MEGF11: variants seen among roughly 807,000 people sequenced by gnomAD.
The protein encoded by MEGF11 is multiple EGF like domains 11, also known as multiple epidermal growth factor-like domains protein 11.
In MEGF11, 126 loss-of-function variants were observed where a neutral mutation model predicts 146.6. The observed-to-expected ratio is 0.86, with a 90% CI of 0.74 to 1.00. The LOEUF (loss-of-function observed/expected upper bound fraction) is 1.00. Ranked by LOEUF, MEGF11 falls within the 50% of genes least tolerant of loss-of-function variation. MEGF11 has a pLI of 0.00. For missense variants in MEGF11, 1,509 were observed against 1,521.2 expected, an observed-to-expected ratio of 0.99 and a Z score of 0.13; for synonymous variants, 532 against 583.4, an observed-to-expected ratio of 0.91 and a Z score of 1.27.
At chr15:66,124,390 T>C (rs2140940343) in intron 2 of MEGF11, among the ~76,000 whole-genome samples, 1 of 152,372 alleles carries the variant, frequency 6.6e-6, no homozygotes, top group South Asian at 2.1e-4. Flanking sequence ...GCTTGGAAGC[T>C]GGTCTTTGCA....
At chr15:65,916,117 T>G in intron 18 of MEGF11, 31 bp downstream of exon 18, 1 of 1,560,480 alleles carries the variant, frequency 6.4e-7, no homozygotes, top group Non-Finnish European at 8.7e-7. Context: ...CCCAGCAGCA[T>G]CACCCAGGAT....
intron 1 of MEGF11, among the ~76,000 whole-genome samples, chr15:66,231,795 T>TCA (rs1420284412): frequency 6.6e-6 from 1 of 152,170 alleles, no homozygotes; most frequent in Admixed American, 6.5e-5. Flanking sequence ...ACGACTTGGG[T>TCA]CATGGAAGAG....
At chr15:65,911,663 G>T (rs1286409311) in intron 21 of MEGF11, among the ~76,000 whole-genome samples, 1 of 152,236 alleles carries the variant, frequency 6.6e-6, no homozygotes, top group East Asian at 1.9e-4. Flanking sequence ...CGCCTGCCTC[G>T]GCCTCCCAAA....
intron 10 of MEGF11, among the ~76,000 whole-genome samples, chr15:65,945,795 C>T (rs1051133802): frequency 3.3e-5 from 5 of 152,150 alleles, no homozygotes; most frequent in Non-Finnish European, 7.4e-5. Context: ...TCCATCACCC[C>T]CAAGGCCACA....
At chr15:66,076,745 C>T (rs2140505268) in intron 5 of MEGF11, among the ~76,000 whole-genome samples, 1 of 152,330 alleles carries the variant, frequency 6.6e-6, no homozygotes, top group Middle Eastern at 3.4e-3. Flanking sequence ...CCAACCTGGC[C>T]TCTGTGGGTC....
At chr15:66,026,597 C>T (rs1266212848) in intron 5 of MEGF11, among the ~76,000 whole-genome samples, 1 of 152,162 alleles carries the variant, frequency 6.6e-6, no homozygotes, top group African/African-American at 2.4e-5. Flanking sequence ...GATTCTCCTG[C>T]CTCAGCCTCC....
At chr15:66,200,259 G>A (rs948994929) in intron 1 of MEGF11, among the ~76,000 whole-genome samples, 3 of 152,174 alleles carry the variant, frequency 2.0e-5, no homozygotes, top group Admixed American at 6.5e-5. Context: ...TACTTTATAC[G>A]TTTCTGGGTT....
rs1042571497 is a variant in MEGF11, at chr15:65,931,026, C to T, written c.1288-83G>A. ...GTAGGCAGGATAATGACCCCTGCTG[C>T]CCCCAACATGTCCATGTCCTAATCC... is the stretch of plus-strand genomic sequence containing the variant. On this transcript the variant is annotated intron_variant, in intron 10 of 25. Transcript: ENST00000395614. The T allele has an allele frequency of 1.9e-5, 27 of 1,390,186 alleles. No homozygotes were observed. The East Asian group carries it at 7.1e-4, about 37-fold the overall frequency. The allele number at this position is 1,390,186 out of a possible 1,614,324, so 86.1% of individuals were successfully genotyped here. A position where few individuals can be genotyped will look rare whatever the true frequency, so the allele number is the denominator to read the frequency against.
intron 15 of MEGF11, among the ~76,000 whole-genome samples, chr15:65,921,154 G>A (rs1276912596): frequency 6.6e-6 from 1 of 152,186 alleles, no homozygotes; most frequent in East Asian, 1.9e-4. Flanking sequence ...GCTCAGCAGT[G>A]ATTATTCATC....
At chr15:66,012,814 GGA>G (rs1567201657) in intron 5 of MEGF11, among the ~76,000 whole-genome samples, 3 of 152,176 alleles carry the variant, frequency 2.0e-5, no homozygotes, top group African/African-American at 7.2e-5. Context: ...GCTTCCCCTA[GGA>G]GCCCTGGGGA....
At chr15:66,232,851 A>G (rs1299309333) in intron 1 of MEGF11, among the ~76,000 whole-genome samples, 2 of 152,238 alleles carry the variant, frequency 1.3e-5, no homozygotes, top group Non-Finnish European at 1.5e-5. Context: ...TAAGATGAGT[A>G]AAAGTATCAC....
In MEGF11 at chr15:66,016,742, T is replaced by TA. The variant is rs1463207554; in HGVS notation, c.395-34255_395-34254insT. 1.6e-4 allele frequency among the ~76,000 whole-genome samples: 24 copies of TA among 152,350 alleles called. No homozygotes were observed. The East Asian group carries it at 4.6e-3, about 29-fold the overall frequency. ...GCTATACAAGTATTTGAGGTTTACT[T>TA]TTATTCACTTAATTTATTATAAATA... On this transcript the variant is annotated intron_variant, in intron 5 of 25. Transcript: ENST00000395614.
intron 1 of MEGF11, among the ~76,000 whole-genome samples, chr15:66,201,529 G>T (rs1597149090): frequency 6.6e-6 from 1 of 152,210 alleles, no homozygotes; most frequent in East Asian, 1.9e-4. Flanking sequence ...AAGGGGTGAT[G>T]GAGGAGCTGT....
At chr15:66,130,722 G>C (rs970081540) in intron 1 of MEGF11, among the ~76,000 whole-genome samples, 1 of 52,626 alleles carries the variant, frequency 1.9e-5, no homozygotes, top group African/African-American at 5.9e-5. Context: ...GAAAAAGAAA[G>C]AGGGAGGGAG....
intron 1 of MEGF11, among the ~76,000 whole-genome samples, chr15:66,156,312 T>C (rs542571033): frequency 6.6e-6 from 1 of 152,242 alleles, no homozygotes; most frequent in East Asian, 1.9e-4. Context: ...TTGGTTCTAC[T>C]GTACTCCATG....
At chr15:66,074,643 T>C (rs572625403) in intron 5 of MEGF11, among the ~76,000 whole-genome samples, 52 of 152,354 alleles carry the variant, frequency 3.4e-4, no homozygotes, top group Middle Eastern at 6.8e-3. Context: ...TGAAATGAAT[T>C]TATGAATCTA....
chr15:66,133,857 G>A (rs2088769118), intron 1 of MEGF11, among the ~76,000 whole-genome samples: 1 of 152,146 alleles, frequency 6.6e-6, no homozygotes, highest in Non-Finnish European at 1.5e-5. Flanking sequence ...CTGACTGCAG[G>A]AGCACAGCAA....
intron 5 of MEGF11, among the ~76,000 whole-genome samples, chr15:65,999,077 T>C (rs957136969): frequency 1.3e-5 from 2 of 151,804 alleles, no homozygotes; most frequent in Non-Finnish European, 2.9e-5. Flanking sequence ...CAGGGTCTCG[T>C]TCTGTTGCCT....
At chr15:65,955,739 TAAAAAAA>T (rs1189666912) in intron 10 of MEGF11, among the ~76,000 whole-genome samples, 403 of 9,688 alleles carry the variant, frequency 0.042, 11 homozygotes, top group Middle Eastern at 0.17. Context: ...GTGAGACTCT[TAAAAAAA>T]AAAAAAAAAA....
Sources: gnomAD v4.1 joint callset for allele counts (sites outside exome capture counted in the v4.1 genomes callset) on GRCh38, gnomAD v4.1.1 for gene constraint, MANE v1.5 for transcripts, NCBI Gene and HGNC (gene_info 2026-07-23, HGNC 2026-07-21) for gene names.